The following ARMC6 variants were observed in gnomAD, a reference collection of about 807,000 sequenced individuals.
ARMC6 encodes armadillo repeat containing 6, also known as armadillo repeat-containing protein 6.
A neutral mutation model predicts 49.2 loss-of-function variants in ARMC6; 43 were observed. That is an observed-to-expected ratio of 0.87 (90% CI 0.69 to 1.13). The LOEUF (loss-of-function observed/expected upper bound fraction) is 1.13, where lower values mean the gene tolerates loss of function less well. ARMC6 is among the 50% of genes most tolerant of loss of function. ARMC6 has a pLI of 0.00. For missense variants in ARMC6, 627 were observed against 682.0 expected (o/e 0.92, Z 0.90); for synonymous variants, 262 against 289.6 (o/e 0.90, Z 0.97).
rs936043512 is a variant in ARMC6, at chr19:19,055,028, C to T, written c.1024-237C>T. 2.0e-5 allele frequency among the ~76,000 whole-genome samples: 3 copies of T among 152,222 alleles called. No individual in the cohort carries two copies. The highest frequency in any genetic ancestry group is 2.0e-4 in the Admixed American group (3 of 15,286). Reference sequence around the variant, plus strand: ...GGGGACCCTGTGCTCTGAAGGCCGGCCTGAGTCACATGCCCCCGCTGCCCC... The same window carrying T: ...GGGGACCCTGTGCTCTGAAGGCCGGTCTGAGTCACATGCCCCCGCTGCCCC... On this transcript the variant is annotated intron_variant, in intron 6 of 8. Coordinates refer to ENST00000535612, the MANE Select transcript of ARMC6 (RefSeq NM_001199196.2). This position sits in a 1 kb window ranked among gnomAD's most constrained non-coding sequence, Gnocchi z 5.7.
chr19:19,038,740 A>G lies in ARMC6; in HGVS notation c.30-3971A>G, dbSNP rs1005683226. The stretch of plus-strand genomic sequence containing the variant: ...TTACAGGCGCCCCACTAATTTTTGT[A>G]TATTTAGTAGAGACGGGGTTTCGCC... On this transcript the variant is annotated intron_variant, in intron 2 of 8. Transcript: ENST00000535612. Among the ~76,000 whole-genome samples the G allele has an allele frequency of 2.6e-5, 4 of 152,128 alleles. No homozygotes were observed. The South Asian group carries it at 8.3e-4, about 32-fold the overall frequency.
intron 4 of ARMC6, among the ~76,000 whole-genome samples, chr19:19,048,638 G>A (rs951369524): frequency 6.6e-6 from 1 of 152,152 alleles, no homozygotes; most frequent in Non-Finnish European, 1.5e-5. Context: ...AAGCCTCCAG[G>A]TAGCAGGCTT....
At position 19,054,331 on chromosome 19, in the gene ARMC6, C is replaced by T. The variant is rs1304202054; in HGVS notation, c.1023+10C>T. ...CCAGAGCGGCGTTCAGGTATGAAGT[C>T]CCCCTGGCCCATTGCGTGCTGTCCT... On this transcript the variant is annotated intron_variant, in intron 6 of 8. Coordinates refer to ENST00000535612, the MANE Select transcript of ARMC6 (RefSeq NM_001199196.2). The T allele has an allele frequency of 1.3e-6, 2 of 1,543,526 alleles. No individual in the cohort carries two copies. Among genetic ancestry groups the T allele is most frequent in the African/African-American group, 1.4e-5 (1 of 72,260 alleles).
At position 19,055,704 on chromosome 19, in the gene ARMC6, G is replaced by T. The variant is rs73923202; in HGVS notation, c.1156-87G>T. 2.3e-5 allele frequency: 34 copies of T among 1,493,180 alleles called. No individual in the cohort carries two copies. In the African/African-American group the frequency reaches 4.6e-4, roughly 20 times the overall value. 92.5% of individuals were successfully genotyped at this position (1,493,180 alleles called of 1,614,324 possible). The stretch of plus-strand genomic sequence containing the variant: ...AGACCCACGGAGGGGAGGCCGCAGG[G>T]TGTTCACCAGGGGTTGGTGGCCATG... On this transcript the variant is annotated intron_variant, in intron 7 of 8. Transcript: ENST00000535612. The surrounding 1 kb of genome is among the most constrained non-coding windows in gnomAD (Gnocchi z 5.7).
At chr19:19,040,410 G>A (rs1341288500) in intron 2 of ARMC6, among the ~76,000 whole-genome samples, 1 of 152,122 alleles carries the variant, frequency 6.6e-6, no homozygotes, top group Non-Finnish European at 1.5e-5. Flanking sequence ...TACAAGGGAG[G>A]CAGGTTAAGT....
At position 19,055,143 on chromosome 19, in the gene ARMC6, C is replaced by T; in HGVS notation, c.1024-122C>T. ...GCATCTGCCACCCCTTCTCGTTAGT[C>T]ACACCCTGCAGTCACACCATACCTG... On this transcript the variant is annotated intron_variant, in intron 6 of 8. Coordinates refer to ENST00000535612, the MANE Select transcript of ARMC6 (RefSeq NM_001199196.2). The surrounding 1 kb of genome is among the most constrained non-coding windows in gnomAD (Gnocchi z 5.7). 7.7e-7 allele frequency: 1 copy of T among 1,297,742 alleles called. No homozygotes were observed. The allele number at this position is 1,297,742 out of a possible 1,614,324, so 80.4% of individuals were successfully genotyped here. A position where few individuals can be genotyped will look rare whatever the true frequency, so the allele number is the denominator to read the frequency against.
Position 19,051,831 on chromosome 19 carries a change from G to A in ARMC6, c.489G>A (p.Ser163=), listed in dbSNP as rs558587463. ...TGCTCCAGTCCCTCAATGCCCTGTC[G>A]GTGCTGACTGATGGACAGCCAGACC... The part of the protein sequence containing the change: ...GLLLQSLNAL[S]VLTDGQPDLL... Residue 163 remains serine, a synonymous_variant, in exon 5 of 9, where the codon TCG becomes TCA. Coordinates refer to ENST00000535612, the MANE Select transcript of ARMC6 (RefSeq NM_001199196.2). 51 of 1,613,902 alleles carry A rather than the reference G, an allele frequency of 3.2e-5. No homozygotes were observed. The highest frequency in any genetic ancestry group is 3.0e-4 in the South Asian group (27 of 91,080).
At chr19:19,036,378 A>G (rs1393146272) in intron 2 of ARMC6, among the ~76,000 whole-genome samples, 1 of 152,234 alleles carries the variant, frequency 6.6e-6, no homozygotes, top group African/African-American at 2.4e-5. Flanking sequence ...GCATTTTTAC[A>G]TAAACGTTAG....
In ARMC6 at chr19:19,034,156, G is replaced by T. The variant is rs374896558; in HGVS notation, c.-54G>T. On this transcript the variant is annotated 5_prime_UTR_variant, in exon 2 of 9. Coordinates refer to ENST00000535612, the MANE Select transcript of ARMC6 (RefSeq NM_001199196.2). ...CACCTGTGCACTGAGTGCCTGCTGCGTGTCGGGCCCCGTCCTAGGCAGTGG... is the reference window on the plus strand; with the variant it reads ...CACCTGTGCACTGAGTGCCTGCTGCTTGTCGGGCCCCGTCCTAGGCAGTGG... The T allele has an allele frequency of 1.1e-4, 144 of 1,309,296 alleles. No individual in the cohort carries two copies. Among genetic ancestry groups the T allele is most frequent in the Non-Finnish European group, 1.4e-4 (129 of 922,738 alleles). 81.1% of individuals were successfully genotyped at this position (1,309,296 alleles called of 1,614,324 possible).
rs190386595 is a variant in ARMC6, at chr19:19,055,686, C to T, written c.1156-105C>T. ...TTACACAGGAGTTGCCAGAGACCCA[C>T]GGAGGGGAGGCCGCAGGGTGTTCAC... On this transcript the variant is annotated intron_variant, in intron 7 of 8. Coordinates refer to ENST00000535612, the MANE Select transcript of ARMC6 (RefSeq NM_001199196.2). The surrounding 1 kb of genome is among the most constrained non-coding windows in gnomAD (Gnocchi z 5.7). 12 of 1,458,664 alleles carry T rather than the reference C, an allele frequency of 8.2e-6. No individual in the cohort carries two copies. Among genetic ancestry groups the T allele is most frequent in the East Asian group, 7.0e-5 (3 of 43,106 alleles). The allele number at this position is 1,458,664 out of a possible 1,614,324, so 90.4% of individuals were successfully genotyped here. A position where few individuals can be genotyped will look rare whatever the true frequency, so the allele number is the denominator to read the frequency against.
At chr19:19,051,375 C>CTCTCTCTGTG (rs372606082) in intron 4 of ARMC6, among the ~76,000 whole-genome samples, 1 of 139,666 alleles carries the variant, frequency 7.2e-6, no homozygotes, top group Admixed American at 7.2e-5. Context: ...CTCTCTCTCT[C>CTCTCTCTGTG]TGTGTGTGTG....
At chr19:19,042,959 G>A in intron 3 of ARMC6, 82 bp downstream of exon 3, 1 of 1,546,308 alleles carries the variant, frequency 6.5e-7, no homozygotes. Context: ...CCGCCCCACT[G>A]GGGGTGCCAC....
Position 19,052,191 on chromosome 19 carries a change from C to T in ARMC6, c.849C>T (p.Thr283=). ...GCTTGAAGGTGCTCATCGAAGCCAC[C>T]AAAGGTAAGAGCTGGGGGCCGACAC... is the stretch of plus-strand genomic sequence containing the variant. ...NKGLKVLIEA[T]KAFLDNPGIL... is the part of the protein sequence containing the mutation. The change falls in exon 5 of 9, where the codon ACC becomes ACT. Residue 283 remains threonine (T), a synonymous_variant. Coordinates refer to ENST00000535612, the MANE Select transcript of ARMC6 (RefSeq NM_001199196.2). 1 of 1,594,188 alleles carries T rather than the reference C, an allele frequency of 6.3e-7. No homozygotes were observed. The highest frequency in any genetic ancestry group is 8.5e-7 in the Non-Finnish European group (1 of 1,170,156).
chr19:19,049,183 G>A (rs2059476631), intron 4 of ARMC6, among the ~76,000 whole-genome samples: 1 of 150,948 alleles, frequency 6.6e-6, no homozygotes, highest in South Asian at 2.1e-4. Flanking sequence ...CTCCCATGTA[G>A]CTGACTACAT....
chr19:19,051,981 G>T lies in ARMC6; in HGVS notation c.639G>T (p.Arg213=). 6.2e-7 allele frequency: 1 copy of T among 1,614,054 alleles called. No individual in the cohort carries two copies. The highest frequency in any genetic ancestry group is 1.1e-5 in the South Asian group (1 of 91,086). The part of the protein sequence containing the change: ...RHACLKHEQN[R]QDLVKAGVLP... ...CTTGCCTGAAACATGAACAGAATCG[G>T]CAAGACCTGGTGAAAGCTGGCGTGC... is the stretch of plus-strand genomic sequence containing the variant. Residue 213 remains arginine, a synonymous_variant, in exon 5 of 9, where the codon CGG becomes CGT. Transcript: ENST00000535612.
chr19:19,038,128 G>C (rs932857753), intron 2 of ARMC6, among the ~76,000 whole-genome samples: 1 of 152,218 alleles, frequency 6.6e-6, no homozygotes, highest in African/African-American at 2.4e-5. Context: ...TCTAATGCCT[G>C]ATGATCTGTC....
chr19:19,048,546 A>T (rs1009424379), intron 4 of ARMC6, among the ~76,000 whole-genome samples: 1 of 152,074 alleles, frequency 6.6e-6, no homozygotes, highest in South Asian at 2.1e-4. Context: ...TTTCTGATTG[A>T]AAGAGTTATC....
rs1163894614 is a variant in ARMC6, at chr19:19,055,254, C to G, written c.1024-11C>G. The G allele has an allele frequency of 6.3e-6, 10 of 1,585,560 alleles. No individual in the cohort carries two copies. The Middle Eastern group carries it at 6.8e-4, about 107-fold the overall frequency. On this transcript the variant is annotated splice_polypyrimidine_tract_variant and intron_variant, in intron 6 of 8. Transcript: ENST00000535612. This position sits in a 1 kb window ranked among gnomAD's most constrained non-coding sequence, Gnocchi z 5.7. ...CCTGGCTGGAGGTGAGCGGGCCTTT[C>G]CCTTGTGCAGGAGCTCGTGAAGCAA...
chr19:19,034,433 T>TCAGA (rs1340484521), intron 2 of ARMC6, among the ~76,000 whole-genome samples, 195 bp downstream of exon 2: 1 of 152,164 alleles, frequency 6.6e-6, no homozygotes, highest in African/African-American at 2.4e-5. Context: ...GGGAAGCCAC[T>TCAGA]ACCGGGCTTT....
Sources: allele counts gnomAD v4.1 joint callset (sites outside exome capture counted in the v4.1 genomes callset), GRCh38; gene constraint gnomAD v4.1.1; non-coding constraint Gnocchi (gnomAD v3.1); transcripts MANE v1.5; gene names NCBI Gene and HGNC (gene_info 2026-07-23, HGNC 2026-07-21).